Variants in PLCL2 observed in about 807,000 individuals in gnomAD.
The protein encoded by PLCL2 is phospholipase C like 2.
Under a neutral mutation model 79.6 loss-of-function variants are expected in PLCL2, and 4 were observed. The ratio of observed to expected loss-of-function variants is 0.05; its 90% CI spans 0.02 to 0.11. The LOEUF is 0.11. PLCL2 is among the 10% of genes least tolerant of loss of function. The pLI, the probability that PLCL2 is intolerant of heterozygous loss-of-function variation, is 1.00. For synonymous variants in PLCL2, 484 were observed against 457.7 expected, an observed-to-expected ratio of 1.06 and a Z score of -0.73; for missense variants, 895 against 1,291.0, an observed-to-expected ratio of 0.69 and a Z score of 4.70.
intron 1 of PLCL2, among the ~76,000 whole-genome samples, chr3:16,932,898 C>CT (rs1393122883): frequency 2.0e-5 from 3 of 152,132 alleles, no homozygotes; most frequent in African/African-American, 7.2e-5. Flanking sequence ...GATTTTCTTT[C>CT]TTTTTTCCTT....
At chr3:17,067,747 A>G (rs552225047) in intron 4 of PLCL2, among the ~76,000 whole-genome samples, 1 of 152,328 alleles carries the variant, frequency 6.6e-6, no homozygotes, top group Non-Finnish European at 1.5e-5. Context: ...ATGAGGAACA[A>G]TTGCTGACTT....
chr3:16,919,986 T>C (rs1195495837), intron 1 of PLCL2, among the ~76,000 whole-genome samples: 1 of 152,198 alleles, frequency 6.6e-6, no homozygotes, highest in East Asian at 1.9e-4. Context: ...TGTCTAAAAC[T>C]TAATCACCAG....
chr3:16,965,934 G>A (rs1044207459), intron 1 of PLCL2, among the ~76,000 whole-genome samples: 1 of 152,132 alleles, frequency 6.6e-6, no homozygotes, highest in Non-Finnish European at 1.5e-5. Flanking sequence ...GAGACGATGG[G>A]ATTTTCTAAA....
chr3:17,069,695 C>T (rs1271922643), intron 5 of PLCL2, among the ~76,000 whole-genome samples: 1 of 152,156 alleles, frequency 6.6e-6, no homozygotes, highest in African/African-American at 2.4e-5. Context: ...TTGGAGCTGA[C>T]AATAATTTTC....
intron 5 of PLCL2, among the ~76,000 whole-genome samples, chr3:17,079,672 C>T (rs1041483386): frequency 1.3e-5 from 2 of 152,158 alleles, no homozygotes; most frequent in East Asian, 1.9e-4. Flanking sequence ...CCCAACCCTC[C>T]GTCTTTGGTG....
chr3:17,043,078 AG>A, intron 4 of PLCL2, 129 bp downstream of exon 4: 1 of 645,094 alleles, frequency 1.6e-6, no homozygotes, highest in South Asian at 1.8e-5. Context: ...CTATGGCTAA[AG>A]AAAATACCAA....
At chr3:16,913,638 T>G (rs1054471519) in intron 1 of PLCL2, among the ~76,000 whole-genome samples, 1 of 152,012 alleles carries the variant, frequency 6.6e-6, no homozygotes, top group Non-Finnish European at 1.5e-5. Context: ...ATGACCTTGT[T>G]TTGAGAAAGA....
chr3:17,089,922 C>T lies in PLCL2; in HGVS notation c.*10C>T, dbSNP rs771625272. On this transcript the variant is annotated 3_prime_UTR_variant, in exon 6 of 6. Transcript: ENST00000615277. ...TGAAACTGGAGAATGAGGAAACTTA[C>T]AATAAACCATTATGGAGTTTATAAC... 6.2e-6 allele frequency: 10 copies of T among 1,610,500 alleles called. No homozygotes were observed. In the South Asian group the frequency reaches 1.1e-4, roughly 18 times the overall value.
intron 1 of PLCL2, among the ~76,000 whole-genome samples, chr3:16,894,702 T>C (rs964329797): frequency 6.6e-6 from 1 of 152,228 alleles, no homozygotes; most frequent in Admixed American, 6.5e-5. Flanking sequence ...TCATGGCTAA[T>C]GATGTTGAAC....
At position 16,887,824 on chromosome 3, in the gene PLCL2, G is replaced by A. The variant is rs1696258777; in HGVS notation, c.327+2458G>A. On this transcript the variant is annotated intron_variant, in intron 1 of 5. Transcript: ENST00000615277. This position sits in a 1 kb window ranked among gnomAD's most constrained non-coding sequence, Gnocchi z 4.1. ...AAAAAAAAAAGAATAAAAAGCTAAA[G>A]CAGAAGCCCATGTGAAAAAGCAATA... 6.6e-6 allele frequency among the ~76,000 whole-genome samples: 1 copy of A among 151,974 alleles called. No homozygotes were observed. The highest frequency in any genetic ancestry group is 1.9e-4 in the East Asian group (1 of 5,192).
intron 4 of PLCL2, among the ~76,000 whole-genome samples, chr3:17,062,076 G>C (rs1276187125): frequency 6.6e-6 from 1 of 152,140 alleles, no homozygotes; most frequent in Non-Finnish European, 1.5e-5. Context: ...TGGAGTCAAA[G>C]GAACCTAATG....
intron 3 of PLCL2, among the ~76,000 whole-genome samples, chr3:17,034,251 G>A (rs1298696319): frequency 1.3e-5 from 2 of 152,188 alleles, no homozygotes; most frequent in Non-Finnish European, 2.9e-5. Flanking sequence ...GGATGTGTGT[G>A]TGAGTGTGCC....
chr3:17,054,544 A>G (rs1020009629), intron 4 of PLCL2, among the ~76,000 whole-genome samples: 5 of 152,106 alleles, frequency 3.3e-5, no homozygotes, highest in African/African-American at 1.2e-4. Context: ...TGGAAGGCAA[A>G]GCAGGAGCAG....
intron 5 of PLCL2, among the ~76,000 whole-genome samples, chr3:17,079,198 G>A (rs1038809852): frequency 3.3e-5 from 5 of 151,818 alleles, no homozygotes; most frequent in African/African-American, 1.2e-4. Context: ...GTGTCCCCTC[G>A]CTCTCTGCAT....
intron 1 of PLCL2, among the ~76,000 whole-genome samples, chr3:16,931,561 G>C (rs1575535645): frequency 6.6e-6 from 1 of 152,164 alleles, no homozygotes; most frequent in Non-Finnish European, 1.5e-5. Flanking sequence ...ACTAACAACT[G>C]TTGCCTTTAA....
chr3:16,981,833 T>A (rs892534100), intron 1 of PLCL2, among the ~76,000 whole-genome samples: 2 of 152,242 alleles, frequency 1.3e-5, no homozygotes, highest in African/African-American at 4.8e-5. Flanking sequence ...GTATTGCCAT[T>A]TGTGACTTTT....
At chr3:17,016,501 GGTGCTGAGTGCCACT>G (rs958782221) in intron 3 of PLCL2, among the ~76,000 whole-genome samples, 2 of 152,160 alleles carry the variant, frequency 1.3e-5, no homozygotes, top group Non-Finnish European at 2.9e-5. Context: ...ATGAGCCTCA[GGTGCTGAGTGCCACT>G]GTGCTGAGTG....
At chr3:16,957,647 T>C (rs1250901385) in intron 1 of PLCL2, among the ~76,000 whole-genome samples, 1 of 152,170 alleles carries the variant, frequency 6.6e-6, no homozygotes, top group African/African-American at 2.4e-5. Context: ...TCTCCCATTA[T>C]TATTGTGTGG....
intron 1 of PLCL2, among the ~76,000 whole-genome samples, chr3:16,908,187 A>G (rs1292184453): frequency 6.6e-6 from 1 of 152,190 alleles, no homozygotes; most frequent in Non-Finnish European, 1.5e-5. Flanking sequence ...TTCAGCAGTT[A>G]TCAGCTCATG....
Sources: allele counts gnomAD v4.1 joint callset (sites outside exome capture counted in the v4.1 genomes callset), GRCh38; gene constraint gnomAD v4.1.1; non-coding constraint Gnocchi (gnomAD v3.1); transcripts MANE v1.5; gene names NCBI Gene and HGNC (gene_info 2026-07-23, HGNC 2026-07-21).